ANO2: variants seen among roughly 807,000 people sequenced by gnomAD.
ANO2 encodes the protein anoctamin 2, also known as anoctamin-2.
In ANO2, 101 loss-of-function variants were observed where a neutral mutation model predicts 124.2. The ratio of observed to expected loss-of-function variants is 0.81; its 90% confidence interval spans 0.69 to 0.96. The LOEUF is 0.96. Ranked by LOEUF, ANO2 falls within the 40% of genes least tolerant of loss-of-function variation. The pLI, the probability that ANO2 is intolerant of heterozygous loss-of-function variation, is 0.00. For synonymous variants in ANO2, 486 were observed against 482.5 expected (o/e 1.01, Z -0.09); for missense variants, 1,293 against 1,274.5 (o/e 1.01, Z -0.22).
At position 5,900,127 on chromosome 12, in the gene ANO2, G is replaced by C. The variant is rs562092239; in HGVS notation, c.534+20913C>G. 9.5e-4 allele frequency among the ~76,000 whole-genome samples: 144 copies of C among 152,292 alleles called. No individual in the cohort carries two copies. The highest frequency in any genetic ancestry group is 1.9e-3 in the Non-Finnish European group (128 of 68,030). On this transcript the variant is annotated intron_variant, in intron 3 of 24. Transcript: ENST00000682330. This position sits in a 1 kb window ranked among gnomAD's most constrained non-coding sequence, Gnocchi z 4.2. ...GCAGTTCCCCTGTCACCCAAGTTCT[G>C]ATGGTCTCTCATAAGCAGTATCCAA...
At chr12:5,770,836 C>A (rs1224314178) in intron 10 of ANO2, among the ~76,000 whole-genome samples, 1 of 152,188 alleles carries the variant, frequency 6.6e-6, no homozygotes, top group African/African-American at 2.4e-5. Context: ...CATGAGGCAC[C>A]TTACCATTCC....
intron 14 of ANO2, among the ~76,000 whole-genome samples, chr12:5,655,121 T>C (rs1279972945): frequency 6.6e-6 from 1 of 152,148 alleles, no homozygotes; most frequent in African/African-American, 2.4e-5. Flanking sequence ...ACTCATTACA[T>C]AACCTCACTT....
chr12:5,807,058 G>T (rs71535762), intron 8 of ANO2, among the ~76,000 whole-genome samples: 1,867 of 152,274 alleles, frequency 0.012, 23 homozygotes, highest in South Asian at 0.034. Context: ...GGGAGTACAA[G>T]AAAAGCTCAA....
intron 10 of ANO2, among the ~76,000 whole-genome samples, chr12:5,758,641 C>T (rs1400649375): frequency 2.0e-5 from 3 of 152,154 alleles, no homozygotes; most frequent in Non-Finnish European, 2.9e-5. Context: ...TAATAGCGTA[C>T]TATCACTGAA....
intron 1 of ANO2, among the ~76,000 whole-genome samples, chr12:5,923,122 A>C (rs866409331): frequency 1.6e-5 from 1 of 63,282 alleles, no homozygotes. Flanking sequence ...ATGCACGCAC[A>C]CACACCCACA....
rs772413965 is a variant in ANO2, at chr12:5,599,656, A to C, written c.2088-27T>G. The C allele has an allele frequency of 2.5e-6, 4 of 1,611,592 alleles. No homozygotes were observed. In the South Asian group the frequency reaches 4.4e-5, roughly 18 times the overall value. ...TGGAAAAGAAATGGATTAAGTTACA[A>C]AAAGCCTCTGGAGAACAGGGTTGGT... On this transcript the variant is annotated intron_variant, in intron 19 of 24. Coordinates refer to ENST00000682330, the MANE Select transcript of ANO2 (RefSeq NM_001364791.2).
At chr12:5,763,776 G>T (rs2137110811) in intron 10 of ANO2, among the ~76,000 whole-genome samples, 1 of 152,134 alleles carries the variant, frequency 6.6e-6, no homozygotes, top group Middle Eastern at 3.4e-3. Flanking sequence ...GTACTTTAGG[G>T]AAGAGGTGAA....
chr12:5,764,499 C>T (rs115183504), intron 10 of ANO2, among the ~76,000 whole-genome samples: 178 of 152,256 alleles, frequency 1.2e-3, no homozygotes, highest in African/African-American at 3.9e-3. Flanking sequence ...GATGCAGAGA[C>T]GAGATTCAAA....
chr12:5,814,133 C>T (rs938726749), intron 7 of ANO2, among the ~76,000 whole-genome samples: 1 of 152,232 alleles, frequency 6.6e-6, no homozygotes, highest in African/African-American at 2.4e-5. Context: ...TGCTCAAGGT[C>T]ACCTCCTCTA....
chr12:5,601,657 T>C (rs374453801), intron 19 of ANO2, among the ~76,000 whole-genome samples: 5 of 152,312 alleles, frequency 3.3e-5, no homozygotes, highest in Admixed American at 2.0e-4. Flanking sequence ...TTCAAATCTT[T>C]AGTAAAAAAT....
intron 15 of ANO2, among the ~76,000 whole-genome samples, chr12:5,643,363 G>A (rs1252765707): frequency 6.6e-6 from 1 of 152,164 alleles, no homozygotes; most frequent in African/African-American, 2.4e-5. Flanking sequence ...CACCCTTGAT[G>A]TTATACATAG....
intron 10 of ANO2, among the ~76,000 whole-genome samples, chr12:5,758,770 A>G (rs1951654569): frequency 6.6e-6 from 1 of 152,250 alleles, no homozygotes; most frequent in Non-Finnish European, 1.5e-5. Flanking sequence ...AGAGGCATGT[A>G]GGCATAATAC....
intron 4 of ANO2, among the ~76,000 whole-genome samples, chr12:5,839,124 G>A (rs1954424620): frequency 2.6e-5 from 4 of 152,196 alleles, no homozygotes; most frequent in Admixed American, 2.6e-4. Flanking sequence ...CAGACAAGGG[G>A]AGCCCTGTGA....
At chr12:5,616,706 T>C (rs961181281) in intron 16 of ANO2, among the ~76,000 whole-genome samples, 2 of 152,176 alleles carry the variant, frequency 1.3e-5, no homozygotes, top group African/African-American at 4.8e-5. Context: ...TTTGTAGGAA[T>C]CGCTGAAGAA....
chr12:5,609,036 T>G (rs1158274431), intron 19 of ANO2: 4 of 152,226 alleles, frequency 2.6e-5, no homozygotes, highest in Non-Finnish European at 4.4e-5. Flanking sequence ...GCTGGCCTCA[T>G]GGTTTCAAAG....
chr12:5,878,901 C>G (rs1351763479), intron 3 of ANO2, among the ~76,000 whole-genome samples: 1 of 152,176 alleles, frequency 6.6e-6, no homozygotes, highest in Non-Finnish European at 1.5e-5. Context: ...CAAACGCATA[C>G]CTTATAACAT....
At chr12:5,799,999 A>G (rs1952991047) in intron 9 of ANO2, among the ~76,000 whole-genome samples, 1 of 152,230 alleles carries the variant, frequency 6.6e-6, no homozygotes, top group South Asian at 2.1e-4. Context: ...ATATAAACAG[A>G]TAAGATTTTG....
intron 11 of ANO2, 65 bp from the exon 12 acceptor site, chr12:5,744,382 A>T (rs1261741405): frequency 1.2e-5 from 19 of 1,565,864 alleles, no homozygotes; most frequent in Non-Finnish European, 1.4e-5. Flanking sequence ...AGAAAAATAC[A>T]TCCCCCAAAT....
At chr12:5,609,869 G>GTGTATATATATATATATATA (rs138016284) in intron 19 of ANO2, among the ~76,000 whole-genome samples, 16 of 144,432 alleles carry the variant, frequency 1.1e-4, no homozygotes, top group Admixed American at 2.8e-4. Flanking sequence ...TTTAGAAAAT[G>GTGTATATATATATATATATA]TATATATATA....
Sources: gnomAD v4.1 joint callset for allele counts (sites outside exome capture counted in the v4.1 genomes callset) on GRCh38, gnomAD v4.1.1 for gene constraint, Gnocchi (gnomAD v3.1) non-coding constraint, MANE v1.5 for transcripts, NCBI Gene and HGNC (gene_info 2026-07-23, HGNC 2026-07-21) for gene names.